CLNK: variants seen among roughly 807,000 people sequenced by gnomAD.
CLNK encodes the protein cytokine dependent hematopoietic cell linker, also known as cytokine-dependent hematopoietic cell linker.
Under a neutral mutation model 68.6 loss-of-function variants are expected in CLNK, and 74 were observed. The ratio of observed to expected loss-of-function variants is 1.08; its 90% confidence interval spans 0.89 to 1.31. The LOEUF (loss-of-function observed/expected upper bound fraction) is 1.31, where lower values mean the gene tolerates loss of function less well. Ranked by LOEUF, CLNK falls within the 50% of genes most tolerant of loss-of-function variation. The pLI is 0.00. For synonymous variants in CLNK, 198 were observed against 172.2 expected (o/e 1.15, Z -1.17); for missense variants, 553 against 515.3 (o/e 1.07, Z -0.71).
rs373917304 is a variant in CLNK at position 10,641,896 on chromosome 4, G to C, written c.11+25963C>G. Among the ~76,000 whole-genome samples, 5 of 152,236 alleles carry C rather than the reference G, an allele frequency of 3.3e-5. No homozygotes were observed. In the East Asian group the frequency reaches 5.8e-4, roughly 18 times the overall value. ...CATGAGATCTGATGGTTTTACAAAG[G>C]GTTTCCCCTTTTGCTTGGTTCTCAT... On this transcript the variant is annotated intron_variant, in intron 2 of 18. Transcript: ENST00000226951.
chr4:10,538,696 T>A (rs1235085472), intron 11 of CLNK, among the ~76,000 whole-genome samples: 1 of 152,210 alleles, frequency 6.6e-6, no homozygotes, highest in African/African-American at 2.4e-5. Flanking sequence ...AAATTTATAT[T>A]TATCCATCAT....
rs183669536 is a variant in CLNK at position 10,649,275 on chromosome 4, T to C, written c.11+18584A>G. ...AACAGATATCATGATTAACCTTCAA[T>C]AGCAAAGTTTTTTAAGCAACTAATT... is the stretch of plus-strand genomic sequence containing the variant. On this transcript the variant is annotated intron_variant, in intron 2 of 18. Coordinates refer to ENST00000226951, the MANE Select transcript of CLNK (RefSeq NM_052964.4). Among the ~76,000 whole-genome samples, 13 of 152,286 alleles carry C rather than the reference T, an allele frequency of 8.5e-5. No individual in the cohort carries two copies. The East Asian group carries it at 2.3e-3, about 27-fold the overall frequency.
At chr4:10,507,936 A>G in intron 17 of CLNK, 23 bp downstream of exon 17, 3 of 1,566,250 alleles carry the variant, frequency 1.9e-6, no homozygotes, top group South Asian at 1.2e-5. Context: ...AACAATAATG[A>G]TGGGCCACGT....
chr4:10,491,373 G>A (rs1716565024), intron 18 of CLNK, among the ~76,000 whole-genome samples: 1 of 70,228 alleles, frequency 1.4e-5, no homozygotes, highest in Non-Finnish European at 4.0e-5. Flanking sequence ...ATGTAGGCTC[G>A]AATGTAGTAA....
chr4:10,651,926 T>C (rs943587481), intron 2 of CLNK, among the ~76,000 whole-genome samples: 1 of 149,852 alleles, frequency 6.7e-6, no homozygotes, highest in Non-Finnish European at 1.5e-5. Context: ...CTGATAGAAG[T>C]AAAATGGAGT....
chr4:10,667,418 T>TC (rs1346169375), intron 2 of CLNK, among the ~76,000 whole-genome samples: 1 of 147,526 alleles, frequency 6.8e-6, no homozygotes, highest in African/African-American at 2.5e-5. Context: ...GGGATGGCAT[T>TC]TTTTTTTTTA....
At chr4:10,621,635 T>G (rs1243825793) in intron 2 of CLNK, among the ~76,000 whole-genome samples, 2 of 152,218 alleles carry the variant, frequency 1.3e-5, no homozygotes, top group Non-Finnish European at 2.9e-5. Flanking sequence ...TCAGATTTAT[T>G]GTTGTTATTT....
chr4:10,611,493 T>A (rs1722018497), intron 2 of CLNK, among the ~76,000 whole-genome samples: 1 of 21,786 alleles, frequency 4.6e-5, no homozygotes. Context: ...GGAGGCTAAG[T>A]CTGAAAAAAA....
At chr4:10,577,800 C>T (rs1186203549) in intron 4 of CLNK, among the ~76,000 whole-genome samples, 2 of 151,918 alleles carry the variant, frequency 1.3e-5, no homozygotes, top group African/African-American at 4.8e-5. Context: ...AAAAAATAAA[C>T]GTCTATCGTG....
chr4:10,600,585 T>C (rs61795155), intron 2 of CLNK, among the ~76,000 whole-genome samples: 6,253 of 152,300 alleles, frequency 0.041, 184 homozygotes, highest in Middle Eastern at 0.099. Context: ...CAAGGGTAGA[T>C]TGTAGCCTGG....
intron 3 of CLNK, among the ~76,000 whole-genome samples, chr4:10,595,957 T>C (rs781283651): frequency 6.6e-6 from 1 of 152,236 alleles, no homozygotes; most frequent in Non-Finnish European, 1.5e-5. Context: ...AGGTCATCCA[T>C]TTATTCTGCG....
chr4:10,546,859 G>A (rs1719252823), intron 8 of CLNK, among the ~76,000 whole-genome samples: 2 of 152,116 alleles, frequency 1.3e-5, no homozygotes, highest in South Asian at 4.2e-4. Flanking sequence ...AAGGTTTAGG[G>A]GATGCATCTG....
At chr4:10,713,632 C>A in the CLNK span, among the ~76,000 whole-genome samples, 1 of 151,996 alleles carries the variant, frequency 6.6e-6, no homozygotes, top group Non-Finnish European at 1.5e-5. Context: ...GGAGGTGGGG[C>A]CTAGTGGGAG....
At chr4:10,639,910 C>T (rs992580921) in intron 2 of CLNK, among the ~76,000 whole-genome samples, 6 of 152,202 alleles carry the variant, frequency 3.9e-5, no homozygotes, top group Admixed American at 1.3e-4. Flanking sequence ...TCTTCCATGA[C>T]GCACATAAAG....
intron 2 of CLNK, among the ~76,000 whole-genome samples, chr4:10,666,230 A>G (rs183824502): frequency 3.9e-5 from 6 of 152,342 alleles, no homozygotes; most frequent in Admixed American, 3.9e-4. Flanking sequence ...ATCAGTGAAT[A>G]GATTCCCAGT....
chr4:10,661,668 A>T (rs1335037051), intron 2 of CLNK, among the ~76,000 whole-genome samples: 1 of 152,216 alleles, frequency 6.6e-6, no homozygotes, highest in African/African-American at 2.4e-5. Context: ...TTAAAACTAG[A>T]CACTGCATTC....
At chr4:10,587,788 C>T (rs965035898) in intron 3 of CLNK, among the ~76,000 whole-genome samples, 2 of 152,162 alleles carry the variant, frequency 1.3e-5, no homozygotes, top group African/African-American at 4.8e-5. Flanking sequence ...AGGGATTTGA[C>T]ACCAGCCTAT....
chr4:10,571,634 C>G lies in CLNK; in HGVS notation c.150+107G>C, dbSNP rs529137193. ...TACAGGTGTGAACCACTGCACGCAG[C>G]CTGTTACTGTTGATTTTTAAACATT... On this transcript the variant is annotated intron_variant, in intron 5 of 18. Transcript: ENST00000226951. The G allele has an allele frequency of 1.3e-4, 116 of 904,998 alleles. No homozygotes were observed. In the South Asian group the frequency reaches 1.5e-3, roughly 11 times the overall value. 56.1% of individuals were successfully genotyped at this position (904,998 alleles called of 1,614,324 possible).
At chr4:10,502,397 C>T (rs146984427) in intron 17 of CLNK, among the ~76,000 whole-genome samples, 3 of 152,080 alleles carry the variant, frequency 2.0e-5, no homozygotes, top group East Asian at 3.9e-4. Context: ...GGGGAAACTG[C>T]CCCCAAGATC....
Sources: gnomAD v4.1 joint callset for allele counts (sites outside exome capture counted in the v4.1 genomes callset) on GRCh38, gnomAD v4.1.1 for gene constraint, MANE v1.5 for transcripts, NCBI Gene and HGNC (gene_info 2026-07-23, HGNC 2026-07-21) for gene names.